Variants in UGT2B7 observed in about 807,000 individuals in gnomAD.
UGT2B7 encodes UDP-glucuronosyltransferase 2B7.
UGT2B7 carries 51 observed loss-of-function variants against 51.9 expected under a neutral mutation model. That is an observed-to-expected ratio of 0.98 (90% CI 0.78 to 1.24). The LOEUF is 1.24. UGT2B7 is among the 50% of genes most tolerant of loss of function. The probability of loss-of-function intolerance (pLI) is 0.00; values close to 1 mark genes in which losing one functional copy is unlikely to be tolerated. For missense variants in UGT2B7, 727 were observed against 628.4 expected (o/e 1.16, Z -1.68); for synonymous variants, 225 against 211.6 (o/e 1.06, Z -0.55).
At chr4:69,060,785 A>T (rs1474201925) in intron 1 of UGT2B7, among the ~76,000 whole-genome samples, 9 of 152,192 alleles carry the variant, frequency 5.9e-5, no homozygotes, top group Non-Finnish European at 1.2e-4. Context: ...ACTTTGATGG[A>T]CCAAAGGGGG....
intron 1 of UGT2B7, among the ~76,000 whole-genome samples, chr4:69,085,878 C>T (rs550063511): frequency 9.9e-5 from 15 of 151,404 alleles, no homozygotes; most frequent in African/African-American, 3.4e-4. Context: ...GTTATGTATC[C>T]TTTTCATCTC....
upstream of UGT2B7, among the ~76,000 whole-genome samples, chr4:69,095,780 T>C (rs939802287): frequency 1.3e-5 from 2 of 152,234 alleles, no homozygotes; most frequent in Non-Finnish European, 2.9e-5. Flanking sequence ...AGAATCAACA[T>C]GTATACGCTA....
At chr4:69,083,086 G>T (rs1718873339) in intron 1 of UGT2B7, among the ~76,000 whole-genome samples, 1 of 152,034 alleles carries the variant, frequency 6.6e-6, no homozygotes. Flanking sequence ...TATTTTAAAA[G>T]CATGACTCAC....
Position 69,106,018 on chromosome 4 carries a change from T to G in UGT2B7, c.1003-1157T>G, listed in dbSNP as rs79136930. Among the ~76,000 whole-genome samples the G allele has an allele frequency of 3.9e-3, 597 of 152,278 alleles. 4 individuals are homozygous for G. The highest frequency in any genetic ancestry group is 3.9e-3 in the Non-Finnish European group (265 of 68,010). Reference sequence around the variant, plus strand: ...AGGTCATTACAAAATTGTTACTATTTTTTACACTAGAATTATAAGGAATAG... The same window carrying G: ...AGGTCATTACAAAATTGTTACTATTGTTTACACTAGAATTATAAGGAATAG... On this transcript the variant is annotated intron_variant, in intron 3 of 5. Transcript: ENST00000305231.
At chr4:69,063,466 A>G (rs1011687877) in intron 1 of UGT2B7, among the ~76,000 whole-genome samples, 2 of 152,300 alleles carry the variant, frequency 1.3e-5, no homozygotes, top group East Asian at 3.9e-4. Flanking sequence ...GTGGTACTTG[A>G]AATCATCACT....
upstream of UGT2B7, among the ~76,000 whole-genome samples, chr4:69,093,406 G>C (rs190108275): frequency 4.7e-4 from 72 of 152,288 alleles, no homozygotes; most frequent in East Asian, 0.013. Context: ...TGCTATCACG[G>C]CTGGTTGAAA....
chr4:69,056,053 T>C (rs200513447), intron 1 of UGT2B7, among the ~76,000 whole-genome samples: 5 of 152,110 alleles, frequency 3.3e-5, no homozygotes, highest in Non-Finnish European at 7.3e-5. Context: ...TATGCTAAGC[T>C]GCCTGATCAG....
At chr4:69,079,582 G>T (rs1474599057) in intron 1 of UGT2B7, among the ~76,000 whole-genome samples, 1 of 152,078 alleles carries the variant, frequency 6.6e-6, no homozygotes, top group Non-Finnish European at 1.5e-5. Context: ...ATCCTGTGAA[G>T]TATATTTTCA....
At chr4:69,101,109 A>G (rs1187636762) in intron 2 of UGT2B7, among the ~76,000 whole-genome samples, 1 of 152,052 alleles carries the variant, frequency 6.6e-6, no homozygotes, top group Non-Finnish European at 1.5e-5. Context: ...TTATCAATGA[A>G]ATATTCAACT....
At chr4:69,084,792 T>C (rs558389490) in intron 1 of UGT2B7, among the ~76,000 whole-genome samples, 1 of 152,314 alleles carries the variant, frequency 6.6e-6, no homozygotes, top group East Asian at 1.9e-4. Context: ...ACAAAGGGCA[T>C]GAACTCATTC....
intron 1 of UGT2B7, among the ~76,000 whole-genome samples, chr4:69,072,681 G>A (rs1307036325): frequency 6.6e-6 from 1 of 151,964 alleles, no homozygotes; most frequent in Non-Finnish European, 1.5e-5. Context: ...GCAGGGTCTT[G>A]GGGGGGTTGT....
At chr4:69,064,276 G>A (rs987772684) in intron 1 of UGT2B7, among the ~76,000 whole-genome samples, 1 of 152,192 alleles carries the variant, frequency 6.6e-6, no homozygotes, top group Non-Finnish European at 1.5e-5. Flanking sequence ...AAAAAATGTG[G>A]TCTGTAGACC....
chr4:69,086,602 A>G (rs1718966208), intron 1 of UGT2B7, among the ~76,000 whole-genome samples: 1 of 151,884 alleles, frequency 6.6e-6, no homozygotes, highest in African/African-American at 2.4e-5. Context: ...TTATCATATC[A>G]CAGTCAATCT....
intron 1 of UGT2B7, among the ~76,000 whole-genome samples, chr4:69,067,972 T>TA (rs1718517731): frequency 6.6e-6 from 1 of 152,070 alleles, no homozygotes; most frequent in Non-Finnish European, 1.5e-5. Flanking sequence ...TCAGCACACT[T>TA]ATGTTGTCTT....
At chr4:69,069,886 T>G (rs545637810) in intron 1 of UGT2B7, 6 of 152,050 alleles carry the variant, frequency 3.9e-5, no homozygotes, top group Non-Finnish European at 8.8e-5. Flanking sequence ...GAAAAGAGAG[T>G]ACATCTTTTT....
At chr4:69,075,152 G>A (rs1718676349) in intron 1 of UGT2B7, among the ~76,000 whole-genome samples, 1 of 152,058 alleles carries the variant, frequency 6.6e-6, no homozygotes, top group Admixed American at 6.6e-5. Flanking sequence ...AGAGGCTTCT[G>A]TTGACCAACT....
chr4:69,052,860 A>C (rs1332316256), intron 1 of UGT2B7, among the ~76,000 whole-genome samples: 1 of 152,164 alleles, frequency 6.6e-6, no homozygotes, highest in African/African-American at 2.4e-5. Flanking sequence ...TTTGGTAAAA[A>C]GATTATAAGG....
At chr4:69,111,866 T>TTTG (rs1297070801) in intron 5 of UGT2B7, among the ~76,000 whole-genome samples, 2 of 152,216 alleles carry the variant, frequency 1.3e-5, no homozygotes, top group Non-Finnish European at 2.9e-5. Context: ...CAAATTAAAA[T>TTTG]ACACAAATTC....
rs1249198106 is a variant in UGT2B7 at position 69,096,845 on chromosome 4, T to G, written c.325T>G (p.Phe109Val). The G allele has an allele frequency of 6.2e-7, 1 of 1,613,752 alleles. No homozygotes were observed. The highest frequency in any genetic ancestry group is 1.1e-5 in the South Asian group (1 of 91,030). ...TCCAAAAGATACATTTTGGTTATAT[T>G]TTTCACAAGTACAGGAAATCATGTC... ...DLPKDTFWLY[F>V]SQVQEIMSIF... The change falls in exon 1 of 6, where the codon TTT becomes GTT. Residue 109 changes from phenylalanine (F) to valine (V), a missense_variant. Physicochemically the swap from Phe to Val is conservative, Grantham distance 50. Transcript: ENST00000305231.
Sources: allele counts gnomAD v4.1 joint callset (sites outside exome capture counted in the v4.1 genomes callset), GRCh38; gene constraint gnomAD v4.1.1; transcripts MANE v1.5; gene names NCBI Gene and HGNC (gene_info 2026-07-23, HGNC 2026-07-21).